CERS6: variants seen among roughly 807,000 people sequenced by gnomAD.
The protein encoded by CERS6 is ceramide synthase 6.
CERS6 carries 26 observed loss-of-function variants against 56.8 expected under a neutral mutation model. The observed-to-expected ratio is 0.46, with a 90% CI of 0.34 to 0.63. The LOEUF (loss-of-function observed/expected upper bound fraction) is 0.63, where lower values mean the gene tolerates loss of function less well. Ranked by LOEUF, CERS6 falls within the 30% of genes least tolerant of loss-of-function variation. The probability of loss-of-function intolerance (pLI) is 0.01; values close to 1 mark genes in which losing one functional copy is unlikely to be tolerated. For missense variants in CERS6, 415 were observed against 467.5 expected, an observed-to-expected ratio of 0.89 and a Z score of 1.04; for synonymous variants, 164 against 173.3, an observed-to-expected ratio of 0.95 and a Z score of 0.42.
At chr2:168,645,387 G>A (rs113961170) in intron 4 of CERS6, among the ~76,000 whole-genome samples, 9 of 150,986 alleles carry the variant, frequency 6.0e-5, no homozygotes, top group African/African-American at 1.9e-4. Context: ...GGAGAGGGGC[G>A]AAAAGAGGTA....
At chr2:168,478,851 CAA>C (rs1399378440) in intron 1 of CERS6, among the ~76,000 whole-genome samples, 2 of 152,288 alleles carry the variant, frequency 1.3e-5, no homozygotes, top group East Asian at 1.9e-4. Context: ...ACTTAGGTCT[CAA>C]GAGGTCTTGG....
At chr2:168,673,258 T>A (rs1274615940) in intron 4 of CERS6, among the ~76,000 whole-genome samples, 1 of 152,218 alleles carries the variant, frequency 6.6e-6, no homozygotes, top group African/African-American at 2.4e-5. Context: ...TTACTCACTT[T>A]ATGAGTTTTA....
intron 4 of CERS6, among the ~76,000 whole-genome samples, chr2:168,662,248 T>C (rs1463151545): frequency 6.6e-6 from 1 of 152,004 alleles, no homozygotes; most frequent in Non-Finnish European, 1.5e-5. Context: ...TTGGAGCCAA[T>C]ACATTTCACA....
chr2:168,582,704 G>A (rs1392884437), intron 3 of CERS6, among the ~76,000 whole-genome samples: 2 of 152,114 alleles, frequency 1.3e-5, no homozygotes, highest in Non-Finnish European at 2.9e-5. Flanking sequence ...AGTTAAACAA[G>A]GTCAGTTTGA....
intron 4 of CERS6, among the ~76,000 whole-genome samples, chr2:168,641,895 A>T (rs1481892068): frequency 4.8e-3 from 2 of 416 alleles, no homozygotes; most frequent in Non-Finnish European, 0.17. Context: ...GTAATGGAAT[A>T]AAAAAAAAAA....
chr2:168,524,548 A>G (rs576017589), intron 1 of CERS6, among the ~76,000 whole-genome samples: 2 of 152,266 alleles, frequency 1.3e-5, no homozygotes, highest in Admixed American at 6.5e-5. Context: ...AAAAAGGGGC[A>G]TTTGTGGAAA....
chr2:168,530,120 G>A (rs769120692), intron 1 of CERS6, among the ~76,000 whole-genome samples: 1 of 152,202 alleles, frequency 6.6e-6, no homozygotes, highest in Non-Finnish European at 1.5e-5. Context: ...TAAGAGTGCC[G>A]AGGGGTATGG....
chr2:168,512,518 A>G (rs1335306740), intron 1 of CERS6, among the ~76,000 whole-genome samples: 1 of 152,020 alleles, frequency 6.6e-6, no homozygotes, highest in Non-Finnish European at 1.5e-5. Flanking sequence ...CATTTCAGTC[A>G]TCATAATCTT....
At chr2:168,525,692 C>T (rs1695059054) in intron 1 of CERS6, among the ~76,000 whole-genome samples, 1 of 152,132 alleles carries the variant, frequency 6.6e-6, no homozygotes. Flanking sequence ...CTAATGGGGA[C>T]AAAGAAAAAC....
At chr2:168,689,015 T>G (rs1031178157) in intron 4 of CERS6, among the ~76,000 whole-genome samples, 1 of 152,188 alleles carries the variant, frequency 6.6e-6, no homozygotes, top group Non-Finnish European at 1.5e-5. Flanking sequence ...CCCTCCTGCC[T>G]GTCACTGCAA....
chr2:168,658,721 G>A (rs1165179898), intron 4 of CERS6, among the ~76,000 whole-genome samples: 1 of 152,194 alleles, frequency 6.6e-6, no homozygotes, highest in Non-Finnish European at 1.5e-5. Flanking sequence ...ACCCTAGGGG[G>A]CAGATAAGGA....
chr2:168,757,798 C>T (rs1250907487), intron 8 of CERS6, among the ~76,000 whole-genome samples: 3 of 152,190 alleles, frequency 2.0e-5, no homozygotes, highest in Admixed American at 1.3e-4. Flanking sequence ...ACCCATGCCG[C>T]AAGCTACCCA....
chr2:168,563,354 C>T (rs1449725310), intron 3 of CERS6, among the ~76,000 whole-genome samples: 1 of 152,124 alleles, frequency 6.6e-6, no homozygotes, highest in African/African-American at 2.4e-5. Flanking sequence ...TAAATGATTG[C>T]TAGTGGTATG....
chr2:168,487,388 A>G, intron 1 of CERS6, among the ~76,000 whole-genome samples: 1 of 152,228 alleles, frequency 6.6e-6, no homozygotes, highest in East Asian at 1.9e-4. Context: ...TGACTGGCAG[A>G]GAGGTGGAGT....
intron 6 of CERS6, among the ~76,000 whole-genome samples, chr2:168,712,424 A>G (rs996334885): frequency 6.6e-6 from 1 of 152,186 alleles, no homozygotes. Flanking sequence ...CATGACTACA[A>G]GTAGTATTAG....
intron 4 of CERS6, among the ~76,000 whole-genome samples, chr2:168,656,606 G>C (rs903214495): frequency 1.3e-5 from 2 of 151,924 alleles, no homozygotes; most frequent in African/African-American, 4.8e-5. Flanking sequence ...GGTCTTGCTG[G>C]GCTCAGGAGT....
In CERS6 at chr2:168,620,014, T is replaced by TACACACACAC. The variant is rs1160024194; in HGVS notation, c.408-10931_408-10922dup. On this transcript the variant is annotated intron_variant, in intron 3 of 9. Transcript: ENST00000305747. ...GCATTTGGGCTGGTTCCACAATCCA[T>TACACACACAC]ACACACACACACACACACACACACA... Among the ~76,000 whole-genome samples the TACACACACAC allele has an allele frequency of 2.7e-3, 164 of 61,232 alleles. 1 individual carries two copies. Among genetic ancestry groups the TACACACACAC allele is most frequent in the African/African-American group, 6.7e-3 (154 of 23,062 alleles). 40.2% of individuals were successfully genotyped at this position (61,232 alleles called of 152,430 possible).
chr2:168,645,265 T>C (rs1685170829), intron 4 of CERS6, among the ~76,000 whole-genome samples: 1 of 144,798 alleles, frequency 6.9e-6, no homozygotes, highest in East Asian at 2.2e-4. Context: ...CATCCCACCT[T>C]ACCCAAGAAG....
At chr2:168,709,584 G>A (rs1306103555) in intron 6 of CERS6, among the ~76,000 whole-genome samples, 1 of 152,134 alleles carries the variant, frequency 6.6e-6, no homozygotes, top group Non-Finnish European at 1.5e-5. Flanking sequence ...TAAAGCACGT[G>A]TCCACGCCAG....
Sources: allele counts gnomAD v4.1 joint callset (sites outside exome capture counted in the v4.1 genomes callset), GRCh38; gene constraint gnomAD v4.1.1; transcripts MANE v1.5; gene names NCBI Gene and HGNC (gene_info 2026-07-23, HGNC 2026-07-21).